TFAM: variants seen among roughly 807,000 people sequenced by gnomAD.
TFAM encodes the protein mitochondrial transcription factor 1.
TFAM carries 13 observed loss-of-function variants against 30.6 expected under a neutral mutation model. The observed-to-expected ratio is 0.42, with a 90% CI of 0.28 to 0.67. The LOEUF is 0.67. Ranked by LOEUF, TFAM falls within the 30% of genes least tolerant of loss-of-function variation. TFAM has a pLI of 0.21. For synonymous variants in TFAM, 106 were observed against 94.8 expected, an observed-to-expected ratio of 1.12 and a Z score of -0.69; for missense variants, 231 against 293.7, an observed-to-expected ratio of 0.79 and a Z score of 1.56.
In TFAM at chr10:58,398,504, C is replaced by T. The variant is rs1332496038; in HGVS notation, c.*3430C>T. ...TCAGCTTGCTGTAATTCTGTAATTACGCTATTGCGTTTGGCTAACTCCTTT... is the reference window on the plus strand; with the variant it reads ...TCAGCTTGCTGTAATTCTGTAATTATGCTATTGCGTTTGGCTAACTCCTTT... On this transcript the variant is annotated 3_prime_UTR_variant, in exon 7 of 7. Transcript: ENST00000487519. The T allele has an allele frequency of 7.9e-5, 12 of 151,892 alleles. No homozygotes were observed. Among genetic ancestry groups the T allele is most frequent in the South Asian group, 4.1e-4 (2 of 4,824 alleles). The allele number at this position is 151,892 out of a possible 1,614,324, so 9.4% of individuals were successfully genotyped here. A position where few individuals can be genotyped will look rare whatever the true frequency, so the allele number is the denominator to read the frequency against.
intron 5 of TFAM, among the ~76,000 whole-genome samples, chr10:58,393,915 AT>A (rs141447648): frequency 0.036 from 5,438 of 151,474 alleles, 168 homozygotes; most frequent in African/African-American, 0.076. Context: ...AAAAAATTCT[AT>A]CCCTTTAATT....
At chr10:58,388,043 C>T in intron 2 of TFAM, 147 bp from the exon 3 acceptor site, 2 of 654,718 alleles carry the variant, frequency 3.1e-6, no homozygotes, top group Non-Finnish European at 5.3e-6. Context: ...GGATAAATTA[C>T]TTACGTTTAA....
At position 58,394,989 on chromosome 10, in the gene TFAM, A is replaced by G. The variant is rs373226874; in HGVS notation, c.656A>G (p.Glu219Gly). The change falls in exon 7 of 7, where the codon GAA becomes GGA. Residue 219 changes from glutamate (E) to glycine (G), a missense_variant. Glu to Gly is a moderately conservative substitution (Grantham distance 98). Transcript: ENST00000487519. ...TRYHNEMKSW[E>G]EQMIEVGRKD... ...TATCATAATGAAATGAAGTCTTGGG[A>G]AGAACAAATGATTGAAGTTGGACGA... 1 of 1,613,866 alleles carries G rather than the reference A, an allele frequency of 6.2e-7. No individual in the cohort carries two copies. The highest frequency in any genetic ancestry group is 8.5e-7 in the Non-Finnish European group (1 of 1,179,830).
In TFAM at chr10:58,397,267, G is replaced by A. The variant is rs576509228; in HGVS notation, c.*2193G>A. ...AACATCTCGGGACAAATGCAGCATA[G>A]AAAACATCTTTGTAGTTACCCTGCG... On this transcript the variant is annotated 3_prime_UTR_variant, in exon 7 of 7. Transcript: ENST00000487519. 1.3e-5 allele frequency: 2 copies of A among 152,148 alleles called. No individual in the cohort carries two copies. Among genetic ancestry groups the A allele is most frequent in the Non-Finnish European group, 2.9e-5 (2 of 68,032 alleles). The allele number at this position is 152,148 out of a possible 1,614,324, so 9.4% of individuals were successfully genotyped here. A position where few individuals can be genotyped will look rare whatever the true frequency, so the allele number is the denominator to read the frequency against.
chr10:58,398,630 A>G lies in TFAM; in HGVS notation c.*3556A>G, dbSNP rs566021808. 2 of 152,218 alleles carry G rather than the reference A, an allele frequency of 1.3e-5. No homozygotes were observed. The highest frequency in any genetic ancestry group is 2.1e-4 in the South Asian group (1 of 4,836). 9.4% of individuals were successfully genotyped at this position (152,218 alleles called of 1,614,324 possible). A position where few individuals can be genotyped will look rare whatever the true frequency, so the allele number is the denominator to read the frequency against. On this transcript the variant is annotated 3_prime_UTR_variant, in exon 7 of 7. Transcript: ENST00000487519. ...CTGAATTGAAAAAAAATAGCGTACA[A>G]TAAGTAGATTTAAAGTAATTAGAAC... is the stretch of plus-strand genomic sequence containing the variant.
intron 4 of TFAM, among the ~76,000 whole-genome samples, chr10:58,390,238 A>G (rs1319800348): frequency 6.6e-6 from 1 of 152,234 alleles, no homozygotes; most frequent in Non-Finnish European, 1.5e-5. Context: ...AATTAAACTG[A>G]TAGTAAGGGA....
In TFAM at chr10:58,386,055, C is replaced by T. The variant is rs115112009; in HGVS notation, c.102-165C>T. Among the ~76,000 whole-genome samples the T allele has an allele frequency of 9.5e-3, 1,430 of 151,132 alleles. 27 individuals are homozygous for T. The highest frequency in any genetic ancestry group is 0.03 in the African/African-American group (1,225 of 40,844). On this transcript the variant is annotated intron_variant, in intron 1 of 6. Coordinates refer to ENST00000487519, the MANE Select transcript of TFAM (RefSeq NM_003201.3). ...GAGACTTCAGTCCTGCAGACGCTCCCCTCCGTTTAGGACAGGGTTTTAATA... is the reference window on the plus strand; with the variant it reads ...GAGACTTCAGTCCTGCAGACGCTCCTCTCCGTTTAGGACAGGGTTTTAATA...
At chr10:58,389,652 A>G (rs1439983899) in intron 4 of TFAM, among the ~76,000 whole-genome samples, 1 of 152,216 alleles carries the variant, frequency 6.6e-6, no homozygotes, top group South Asian at 2.1e-4. Flanking sequence ...TCTAATCAGT[A>G]AAAGGGAGCC....
At chr10:58,393,190 A>G (rs1215773385) in intron 5 of TFAM, among the ~76,000 whole-genome samples, 2 of 151,878 alleles carry the variant, frequency 1.3e-5, no homozygotes, top group African/African-American at 2.4e-5. Context: ...CATATTGGCC[A>G]GGCTGGTCTC....
At position 58,394,967 on chromosome 10, in the gene TFAM, C is replaced by G; in HGVS notation, c.634C>G (p.His212Asp). The G allele has an allele frequency of 2.5e-6, 4 of 1,613,638 alleles. No homozygotes were observed. The highest frequency in any genetic ancestry group is 1.3e-5 in the African/African-American group (1 of 75,010). The change falls in exon 7 of 7, where the codon CAT becomes GAT. Residue 212 changes from histidine to aspartate, a missense_variant. His to Asp is a moderately conservative substitution (Grantham distance 81). Transcript: ENST00000487519. ...TGCTAAAGAGGACGAAACTCGTTAT[C>G]ATAATGAAATGAAGTCTTGGGAAGA... ...QHAKEDETRY[H>D]NEMKSWEEQM...
chr10:58,393,980 A>G (rs1483501115), intron 5 of TFAM, among the ~76,000 whole-genome samples: 2 of 152,276 alleles, frequency 1.3e-5, no homozygotes, highest in East Asian at 1.9e-4. Flanking sequence ...TCCAGGTCAT[A>G]TAATTAAGTT....
At position 58,395,148 on chromosome 10, in the gene TFAM, G is replaced by A. The variant is rs903574505; in HGVS notation, c.*74G>A. 5.3e-5 allele frequency: 77 copies of A among 1,453,240 alleles called. No homozygotes were observed. The highest frequency in any genetic ancestry group is 4.5e-4 in the African/African-American group (32 of 71,098). 90.0% of individuals were successfully genotyped at this position (1,453,240 alleles called of 1,614,324 possible). A position where few individuals can be genotyped will look rare whatever the true frequency, so the allele number is the denominator to read the frequency against. ...TTAGGTCTCAATACCTGAAGCTATC[G>A]TAAAATTAAGAAAGGATAAAGTTGG... is the stretch of plus-strand genomic sequence containing the variant. On this transcript the variant is annotated 3_prime_UTR_variant, in exon 7 of 7. Coordinates refer to ENST00000487519, the MANE Select transcript of TFAM (RefSeq NM_003201.3).
intron 5 of TFAM, 89 bp downstream of exon 5, chr10:58,390,949 A>T (rs1214027451): frequency 8.5e-7 from 1 of 1,173,480 alleles, no homozygotes; most frequent in Non-Finnish European, 1.2e-6. Flanking sequence ...GAAGAAAAGT[A>T]GTGAATATCC....
At chr10:58,390,517 CTA>C (rs1317608324) in intron 4 of TFAM, among the ~76,000 whole-genome samples, 2 of 152,016 alleles carry the variant, frequency 1.3e-5, no homozygotes, top group African/African-American at 4.8e-5. Context: ...TTCATGGAGA[CTA>C]TGAGAATAAT....
Position 58,386,223 on chromosome 10 carries a change from T to C in TFAM, c.105T>C (p.Phe35=). The C allele has an allele frequency of 1.2e-6, 2 of 1,602,334 alleles. No individual in the cohort carries two copies. The highest frequency in any genetic ancestry group is 2.2e-5 in the South Asian group (2 of 90,824). ...CGSRLRSPFS[F]VYLPRWFSSV... Reference sequence around the variant, plus strand: ...TTTTCTTTTTGTTTATATGTAGTTTTGTGTATTTACCGAGGTGGTTTTCAT... The same window carrying C: ...TTTTCTTTTTGTTTATATGTAGTTTCGTGTATTTACCGAGGTGGTTTTCAT... Residue 35 remains phenylalanine, a synonymous_variant, in exon 2 of 7, where the codon TTT becomes TTC. Transcript: ENST00000487519.
At chr10:58,388,303 A>C in intron 3 of TFAM, 43 bp downstream of exon 3, 1 of 1,521,660 alleles carries the variant, frequency 6.6e-7, no homozygotes, top group African/African-American at 1.4e-5. Context: ...GTTATTCTGC[A>C]GTTAGGAGCA....
At chr10:58,394,066 A>C (rs1444048459) in intron 5 of TFAM, among the ~76,000 whole-genome samples, 1 of 152,196 alleles carries the variant, frequency 6.6e-6, no homozygotes, top group Non-Finnish European at 1.5e-5. Flanking sequence ...CAGATTTTCA[A>C]ATAAAACCTA....
chr10:58,397,386 C>G lies in TFAM; in HGVS notation c.*2312C>G, dbSNP rs543852620. On this transcript the variant is annotated 3_prime_UTR_variant, in exon 7 of 7. Transcript: ENST00000487519. Reference sequence around the variant, plus strand: ...ACCTTCCCAAATATATTGGGAAGTTCAGTGTTAAGTACGTTTCTCAAGTAC... The same window carrying G: ...ACCTTCCCAAATATATTGGGAAGTTGAGTGTTAAGTACGTTTCTCAAGTAC... 2.6e-5 allele frequency: 4 copies of G among 151,968 alleles called. No individual in the cohort carries two copies. The highest frequency in any genetic ancestry group is 4.4e-5 in the Non-Finnish European group (3 of 68,008). 9.4% of individuals were successfully genotyped at this position (151,968 alleles called of 1,614,324 possible).
chr10:58,386,645 C>A, intron 2 of TFAM: 5 of 1,164,580 alleles, frequency 4.3e-6, no homozygotes, highest in Non-Finnish European at 5.3e-6. Context: ...TTTTCTCTTG[C>A]CTAGCTCCTC....
Sources: gnomAD v4.1 joint callset for allele counts (sites outside exome capture counted in the v4.1 genomes callset) on GRCh38, gnomAD v4.1.1 for gene constraint, MANE v1.5 for transcripts, NCBI Gene and HGNC (gene_info 2026-07-23, HGNC 2026-07-21) for gene names.